OLFML1: variants seen among roughly 807,000 people sequenced by gnomAD.
OLFML1 encodes the protein olfactomedin like 1.
OLFML1 carries 33 observed loss-of-function variants against 37.3 expected under a neutral mutation model. The ratio of observed to expected loss-of-function variants is 0.88; its 90% CI spans 0.67 to 1.18. The LOEUF is 1.18. Among genes scored for constraint, OLFML1 ranks in the 50% most tolerant of loss-of-function variants. The pLI is 0.00. For synonymous variants in OLFML1, 186 were observed against 181.3 expected, an observed-to-expected ratio of 1.03 and a Z score of -0.21; for missense variants, 545 against 483.7, an observed-to-expected ratio of 1.13 and a Z score of -1.19.
intron 2 of OLFML1, among the ~76,000 whole-genome samples, chr11:7,496,062 G>T (rs1334225349): frequency 6.6e-6 from 1 of 152,344 alleles, no homozygotes; most frequent in African/African-American, 2.4e-5. Flanking sequence ...TCCATAGGGT[G>T]GCTGGGTAGG....
At position 7,485,967 on chromosome 11, in the gene OLFML1, T is replaced by C. The variant is rs1848516295; in HGVS notation, c.92T>C (p.Met31Thr). The change falls in exon 1 of 3, where the codon ATG (methionine) becomes ACG (threonine). Residue 31 changes from methionine to threonine, a missense_variant. Physicochemically the swap from Met to Thr is moderately conservative, Grantham distance 81. Coordinates refer to ENST00000329293, the MANE Select transcript of OLFML1 (RefSeq NM_198474.4). ...PPPQCTQDPA[M>T]VHYIYQRFRV... is the part of the protein sequence containing the mutation. ...CCGCAGTGTACCCAGGACCCAGCCA[T>C]GGTGCATTACATCTACCAGCGCTTT... 3.7e-6 allele frequency: 6 copies of C among 1,614,098 alleles called. No individual in the cohort carries two copies. The highest frequency in any genetic ancestry group is 4.2e-6 in the Non-Finnish European group (5 of 1,179,992).
chr11:7,490,063 C>G (rs1848576270), intron 2 of OLFML1, among the ~76,000 whole-genome samples: 1 of 130,822 alleles, frequency 7.6e-6, no homozygotes, highest in African/African-American at 3.0e-5. Flanking sequence ...AGTAATTAAA[C>G]AATTAAAACA....
intron 2 of OLFML1, among the ~76,000 whole-genome samples, chr11:7,506,702 C>T (rs1203523051): frequency 6.6e-6 from 1 of 152,168 alleles, no homozygotes; most frequent in Admixed American, 6.5e-5. Context: ...TGTTTGAACT[C>T]ATCCTAGGCC....
Position 7,509,433 on chromosome 11 carries a change from A to G in OLFML1, c.454A>G (p.Lys152Glu), listed in dbSNP as rs1342168033. 5 of 1,613,266 alleles carry G rather than the reference A, an allele frequency of 3.1e-6. No individual in the cohort carries two copies. The highest frequency in any genetic ancestry group is 4.2e-6 in the Non-Finnish European group (5 of 1,179,552). ...DNMLMGIKSL[K>E]IVKKMMDTHG... ...CATGCTGATGGGCATAAAGTCTTTGAAAATAGTGAAGAAGATGATGGACAC... is the reference window on the plus strand; with the variant it reads ...CATGCTGATGGGCATAAAGTCTTTGGAAATAGTGAAGAAGATGATGGACAC... Residue 152 changes from lysine (K) to glutamate (E), a missense_variant, in exon 3 of 3, where the codon AAA becomes GAA. Lys to Glu is a moderately conservative substitution (Grantham distance 56, BLOSUM62 1). Coordinates refer to ENST00000329293, the MANE Select transcript of OLFML1 (RefSeq NM_198474.4).
intron 2 of OLFML1, among the ~76,000 whole-genome samples, chr11:7,508,266 G>A (rs150438728): frequency 2.0e-5 from 3 of 152,230 alleles, no homozygotes; most frequent in Admixed American, 6.5e-5. Flanking sequence ...TAATAAGACC[G>A]GCACAGTTAA....
chr11:7,491,921 T>C (rs1050090453), intron 2 of OLFML1, among the ~76,000 whole-genome samples: 10 of 152,228 alleles, frequency 6.6e-5, no homozygotes, highest in African/African-American at 2.4e-4. Context: ...GGCTTTTATG[T>C]GATTCAGCCA....
chr11:7,497,917 T>C (rs1848682283), intron 2 of OLFML1, among the ~76,000 whole-genome samples: 1 of 152,230 alleles, frequency 6.6e-6, no homozygotes, highest in South Asian at 2.1e-4. Context: ...CTGAATTTTA[T>C]ACAGTTCCTG....
intron 2 of OLFML1, among the ~76,000 whole-genome samples, chr11:7,493,267 C>T (rs997776402): frequency 2.0e-5 from 3 of 152,166 alleles, no homozygotes; most frequent in African/African-American, 7.2e-5. Context: ...ATATTTGAAG[C>T]CTCTGGGATC....
At chr11:7,499,170 T>A (rs1437000460) in intron 2 of OLFML1, among the ~76,000 whole-genome samples, 1 of 152,264 alleles carries the variant, frequency 6.6e-6, no homozygotes, top group Non-Finnish European at 1.5e-5. Flanking sequence ...TTCAAATAAG[T>A]GATACTTGTG....
chr11:7,486,614 A>G, intron 1 of OLFML1, among the ~76,000 whole-genome samples: 1 of 152,198 alleles, frequency 6.6e-6, no homozygotes. Context: ...ACCTCATTAA[A>G]ATGTGCAAAA....
intron 2 of OLFML1, among the ~76,000 whole-genome samples, chr11:7,508,332 A>G (rs565372399): frequency 3.9e-4 from 60 of 152,332 alleles, no homozygotes; most frequent in Admixed American, 1.8e-3. Context: ...TTGAAGCAAT[A>G]TCAAACATTA....
chr11:7,488,440 G>T, intron 2 of OLFML1, 25 bp downstream of exon 2: 2 of 1,578,140 alleles, frequency 1.3e-6, no homozygotes, highest in East Asian at 2.3e-5. Context: ...TCTTTTCCTA[G>T]CCCTTCTAGG....
At position 7,485,800 on chromosome 11, in the gene OLFML1, A is replaced by C. The variant is rs544113251; in HGVS notation, c.-76A>C. The C allele has an allele frequency of 6.8e-4, 987 of 1,457,872 alleles. 6 individuals carry two copies. In the South Asian group the frequency reaches 0.012, roughly 17 times the overall value. The allele number at this position is 1,457,872 out of a possible 1,614,324, so 90.3% of individuals were successfully genotyped here. A position where few individuals can be genotyped will look rare whatever the true frequency, so the allele number is the denominator to read the frequency against. On this transcript the variant is annotated 5_prime_UTR_variant, in exon 1 of 3. Transcript: ENST00000329293. ...GCCACAGCAGCGGATAGAGCAGGAG[A>C]GCACCACCGGAGCCCTTGAGACATC...
chr11:7,492,397 T>C (rs1848609758), intron 2 of OLFML1, among the ~76,000 whole-genome samples: 1 of 152,178 alleles, frequency 6.6e-6, no homozygotes, highest in African/African-American at 2.4e-5. Flanking sequence ...TATGTACGCA[T>C]TGTCTTGGAG....
At chr11:7,494,550 C>A (rs7105492) in intron 2 of OLFML1, among the ~76,000 whole-genome samples, 4 of 152,232 alleles carry the variant, frequency 2.6e-5, no homozygotes, top group Non-Finnish European at 4.4e-5. Flanking sequence ...CAGAGCTGCA[C>A]TTTGACCCAG....
chr11:7,509,788 T>C lies in OLFML1; in HGVS notation c.809T>C (p.Ile270Thr), dbSNP rs1256081414. Residue 270 changes from isoleucine to threonine, a missense_variant, in exon 3 of 3, where the codon ATT (isoleucine) becomes ACT (threonine). Ile to Thr is a moderately conservative substitution (Grantham distance 89). Transcript: ENST00000329293. ...LVYQHSPSTY[I>T]DLAVDEHGLW... ...TACCAGCACTCCCCCTCAACTTACA[T>C]TGACCTGGCTGTGGATGAGCATGGG... The C allele has an allele frequency of 8.7e-6, 14 of 1,614,100 alleles. No individual in the cohort carries two copies. Among genetic ancestry groups the C allele is most frequent in the Admixed American group, 6.7e-5 (4 of 60,012 alleles).
chr11:7,486,677 C>G (rs1052749396), intron 1 of OLFML1, among the ~76,000 whole-genome samples: 1 of 152,196 alleles, frequency 6.6e-6, no homozygotes, highest in Non-Finnish European at 1.5e-5. Context: ...TAACCCTCCA[C>G]CCTAGCCTTT....
intron 2 of OLFML1, among the ~76,000 whole-genome samples, chr11:7,497,485 A>C (rs187049697): frequency 6.6e-6 from 1 of 152,316 alleles, no homozygotes; most frequent in East Asian, 1.9e-4. Flanking sequence ...AGGCACTGGA[A>C]GGAAGTTGTC....
chr11:7,489,556 C>T (rs1198034276), intron 2 of OLFML1, among the ~76,000 whole-genome samples: 3 of 151,716 alleles, frequency 2.0e-5, no homozygotes, highest in African/African-American at 7.3e-5. Flanking sequence ...AACCATTGAG[C>T]AATTTTAAAC....
Sources: allele counts gnomAD v4.1 joint callset (sites outside exome capture counted in the v4.1 genomes callset), GRCh38; gene constraint gnomAD v4.1.1; transcripts MANE v1.5; gene names NCBI Gene and HGNC (gene_info 2026-07-23, HGNC 2026-07-21).